The following ADAMTS12 variants were observed in gnomAD, a reference collection of about 807,000 sequenced individuals.
The protein encoded by ADAMTS12 is ADAM metallopeptidase with thrombospondin type 1 motif 12, also known as A disintegrin and metalloproteinase with thrombospondin motifs 12.
In ADAMTS12, 118 loss-of-function variants were observed where a neutral mutation model predicts 167.8. The observed-to-expected ratio is 0.70, with a 90% CI of 0.61 to 0.82. The LOEUF is 0.82. ADAMTS12 is among the 40% of genes least tolerant of loss of function. ADAMTS12 has a pLI of 0.00. For missense variants in ADAMTS12, 1,916 were observed against 1,998.8 expected, an observed-to-expected ratio of 0.96 and a Z score of 0.79; for synonymous variants, 704 against 716.9, an observed-to-expected ratio of 0.98 and a Z score of 0.29.
At chr5:33,588,521 G>A in intron 18 of ADAMTS12, 78 bp downstream of exon 18, 2 of 1,555,158 alleles carry the variant, frequency 1.3e-6, no homozygotes, top group Middle Eastern at 1.7e-4. Flanking sequence ...GGGTCACTTT[G>A]GATTGGATAA....
At position 33,779,475 on chromosome 5, in the gene ADAMTS12, C is replaced by T. The variant is rs575022760; in HGVS notation, c.490-27927G>A. On this transcript the variant is annotated intron_variant, in intron 2 of 23. Transcript: ENST00000504830. ...TGCTGGGATTACAGGCATGAGCCGT[C>T]GCATTTGGCCTGAAATTGCTGTCTT... Among the ~76,000 whole-genome samples the T allele has an allele frequency of 2.4e-3, 371 of 152,260 alleles. 1 individual carries two copies. Among genetic ancestry groups the T allele is most frequent in the African/African-American group, 8.6e-3 (359 of 41,564 alleles).
chr5:33,601,156 C>T (rs1014630990), intron 16 of ADAMTS12, among the ~76,000 whole-genome samples: 1 of 147,996 alleles, frequency 6.8e-6, no homozygotes, highest in Non-Finnish European at 1.5e-5. Context: ...ACAATCACAA[C>T]ATCGACAGCA....
chr5:33,887,865 C>T (rs1750692775), intron 1 of ADAMTS12, among the ~76,000 whole-genome samples: 1 of 152,064 alleles, frequency 6.6e-6, no homozygotes. Flanking sequence ...CTGCCTCAGC[C>T]TCCTCAGTAG....
intron 2 of ADAMTS12, among the ~76,000 whole-genome samples, chr5:33,762,189 C>T (rs1208539829): frequency 6.7e-6 from 1 of 148,750 alleles, no homozygotes; most frequent in African/African-American, 2.5e-5. Flanking sequence ...GATAAAGATG[C>T]CGTCTCAAAA....
Position 33,658,308 on chromosome 5 carries a change from G to A in ADAMTS12, c.1066C>T (p.Arg356Cys), listed in dbSNP as rs144000005. 3 of 1,613,628 alleles carry A rather than the reference G, an allele frequency of 1.9e-6. No individual in the cohort carries two copies. The highest frequency in any genetic ancestry group is 1.7e-4 in the Middle Eastern group (1 of 6,054). The change falls in exon 7 of 24, where the codon CGC (arginine) becomes TGC (cysteine). Residue 356 changes from arginine to cysteine, a missense_variant. Physicochemically the swap from Arg to Cys is radical, Grantham distance 180. Transcript: ENST00000504830. Reference sequence around the variant, plus strand: ...GACAGGCCCAGGGTCTCGCAGGGGCGATTGAAACCAGCACAGATGTCCTTT... The same window carrying A: ...GACAGGCCCAGGGTCTCGCAGGGGCAATTGAAACCAGCACAGATGTCCTTT... ...TRKDICAGFNRPCETLGLSHL... is the reference protein window; with the variant it reads ...TRKDICAGFNCPCETLGLSHL...
chr5:33,753,954 G>A (rs1180838698), intron 2 of ADAMTS12, among the ~76,000 whole-genome samples: 8 of 152,178 alleles, frequency 5.3e-5, no homozygotes, highest in African/African-American at 1.4e-4. Flanking sequence ...CCAGGATCTC[G>A]TGTGTTTGTC....
At chr5:33,843,739 A>G (rs143470205) in intron 2 of ADAMTS12, among the ~76,000 whole-genome samples, 3 of 152,310 alleles carry the variant, frequency 2.0e-5, no homozygotes, top group African/African-American at 7.2e-5. Context: ...AACAAATCCT[A>G]TATGTGCTAT....
chr5:33,633,587 C>T (rs138263126), intron 12 of ADAMTS12, among the ~76,000 whole-genome samples: 19 of 152,144 alleles, frequency 1.2e-4, no homozygotes, highest in African/African-American at 4.3e-4. Context: ...CTATTCAAGG[C>T]TTTTATAAGG....
In ADAMTS12 at chr5:33,576,060, CCA is replaced by C; in HGVS notation, c.3964_3965del (p.Trp1322GlufsTer25). 6.2e-7 allele frequency: 1 copy of C among 1,611,158 alleles called. No homozygotes were observed. Among genetic ancestry groups the C allele is most frequent in the Non-Finnish European group, 8.5e-7 (1 of 1,178,098 alleles). ...GGGGTAGGAAATGTCTTACCTCGCT[CCA>C]GTTTCCGACGATCCAGTGTGCAGAG... Reference protein sequence around the residue: ...HGSAHWIVGNWSECSTTCGLG... With the variant: ...HGSAHWIVGNXSECSTTCGLG... On this transcript the variant is annotated frameshift_variant, in exon 19 of 24. Coordinates refer to ENST00000504830, the MANE Select transcript of ADAMTS12 (RefSeq NM_030955.4). LOFTEE classifies it high-confidence loss of function.
intron 16 of ADAMTS12, among the ~76,000 whole-genome samples, chr5:33,607,265 T>C (rs950036527): frequency 6.6e-6 from 1 of 151,834 alleles, no homozygotes; most frequent in Non-Finnish European, 1.5e-5. Context: ...AAACAAAAAG[T>C]GAAACATCTG....
intron 17 of ADAMTS12, among the ~76,000 whole-genome samples, chr5:33,592,697 A>G (rs1345411851): frequency 6.6e-6 from 1 of 152,090 alleles, no homozygotes; most frequent in Non-Finnish European, 1.5e-5. Flanking sequence ...TCTTAAAAAA[A>G]TCTCTCTCAA....
chr5:33,791,940 T>C (rs1188145489), intron 2 of ADAMTS12, among the ~76,000 whole-genome samples: 1 of 151,970 alleles, frequency 6.6e-6, no homozygotes, highest in East Asian at 1.9e-4. Flanking sequence ...CTGGTGGTAA[T>C]TATCTGTGAC....
At chr5:33,643,503 C>G in intron 9 of ADAMTS12, 33 bp from the exon 10 acceptor site, 2 of 1,594,986 alleles carry the variant, frequency 1.3e-6, no homozygotes, top group East Asian at 4.5e-5. Context: ...TTTGTATTTT[C>G]AAAACCTGCC....
intron 19 of ADAMTS12, among the ~76,000 whole-genome samples, chr5:33,565,186 C>T (rs191079369): frequency 8.7e-4 from 132 of 152,240 alleles, no homozygotes; most frequent in Admixed American, 1.5e-3. Context: ...GACAGGGTGT[C>T]ACTCTGTCAC....
intron 18 of ADAMTS12, among the ~76,000 whole-genome samples, chr5:33,587,659 T>C (rs1356708722): frequency 6.6e-6 from 1 of 152,110 alleles, no homozygotes; most frequent in East Asian, 1.9e-4. Flanking sequence ...ATCATGTTGC[T>C]TGGGCTGGTC....
chr5:33,696,860 A>G (rs1742799709), intron 3 of ADAMTS12, among the ~76,000 whole-genome samples: 1 of 152,224 alleles, frequency 6.6e-6, no homozygotes, highest in Admixed American at 6.5e-5. Context: ...TGAAGCTATT[A>G]TAGTCTCCTA....
chr5:33,654,016 A>G (rs1740955943), intron 7 of ADAMTS12, among the ~76,000 whole-genome samples: 1 of 152,102 alleles, frequency 6.6e-6, no homozygotes, highest in African/African-American at 2.4e-5. Flanking sequence ...CTCTTTGCTC[A>G]TACAGATTAC....
intron 3 of ADAMTS12, among the ~76,000 whole-genome samples, chr5:33,750,093 T>A (rs1744925496): frequency 6.6e-6 from 1 of 152,214 alleles, no homozygotes; most frequent in African/African-American, 2.4e-5. Context: ...ACTGGATCAA[T>A]GACAAACAAG....
chr5:33,758,390 C>A (rs1745237726), intron 2 of ADAMTS12, among the ~76,000 whole-genome samples: 1 of 152,088 alleles, frequency 6.6e-6, no homozygotes, highest in Admixed American at 6.5e-5. Flanking sequence ...AGGGGCCACA[C>A]TCTGACATTC....
Sources: gnomAD v4.1 joint callset for allele counts (sites outside exome capture counted in the v4.1 genomes callset) on GRCh38, gnomAD v4.1.1 for gene constraint, MANE v1.5 for transcripts, NCBI Gene and HGNC (gene_info 2026-07-23, HGNC 2026-07-21) for gene names.